Variants in MEGF9 observed in about 807,000 individuals in gnomAD.
The protein encoded by MEGF9 is multiple epidermal growth factor-like domains protein 9.
In MEGF9, 6 loss-of-function variants were observed where a neutral mutation model predicts 46.8. The observed-to-expected ratio is 0.13, with a 90% CI of 0.07 to 0.25. The LOEUF (loss-of-function observed/expected upper bound fraction) is 0.25. MEGF9 is among the 10% of genes least tolerant of loss of function. MEGF9 has a pLI of 1.00. For missense variants in MEGF9, 683 were observed against 792.4 expected (o/e 0.86, Z 1.66); for synonymous variants, 302 against 330.7 (o/e 0.91, Z 0.94).
Position 120,605,751 on chromosome 9 carries a change from T to TCAAC in MEGF9, c.1358-111_1358-110insGTTG. 2.6e-6 allele frequency: 2 copies of TCAAC among 779,536 alleles called. No homozygotes were observed. The highest frequency in any genetic ancestry group is 4.1e-6 in the Non-Finnish European group (2 of 490,464). The allele number at this position is 779,536 out of a possible 1,614,324, so 48.3% of individuals were successfully genotyped here. On this transcript the variant is annotated intron_variant, in intron 5 of 5. Coordinates refer to ENST00000373930, the MANE Select transcript of MEGF9 (RefSeq NM_001080497.3). The surrounding 1 kb of genome is among the most constrained non-coding windows in gnomAD (Gnocchi z 4.0). ...ATGTTGATGTAGGATGTTAACATGA[T>TCAAC]ATTCTGCTTTAAGGTAATGCAAGTT...
chr9:120,705,652 T>G (rs1245780948), intron 1 of MEGF9, among the ~76,000 whole-genome samples: 1 of 151,908 alleles, frequency 6.6e-6, no homozygotes, highest in Non-Finnish European at 1.5e-5. Context: ...ATTTATCACA[T>G]GTACTCACAT....
At chr9:120,634,904 C>T (rs573300989) in intron 2 of MEGF9, among the ~76,000 whole-genome samples, 3 of 152,094 alleles carry the variant, frequency 2.0e-5, no homozygotes, top group African/African-American at 7.2e-5. Context: ...TCTTTTCTAA[C>T]AGTGAATGTT....
chr9:120,652,590 G>GCACACACACACA (rs141794570), intron 2 of MEGF9, among the ~76,000 whole-genome samples: 1 of 134,156 alleles, frequency 7.5e-6, no homozygotes, highest in African/African-American at 2.7e-5. Flanking sequence ...GTGGACACAG[G>GCACACACACACA]CACACACACA....
chr9:120,605,169 A>G lies in MEGF9; in HGVS notation c.*21T>C. ...TCTTAGCAAGCACTGTGGTTTAACAATTCAGAACAGTTCTAGCTCCTTAGG... is the reference window on the plus strand; with the variant it reads ...TCTTAGCAAGCACTGTGGTTTAACAGTTCAGAACAGTTCTAGCTCCTTAGG... On this transcript the variant is annotated 3_prime_UTR_variant, in exon 6 of 6. Coordinates refer to ENST00000373930, the MANE Select transcript of MEGF9 (RefSeq NM_001080497.3). This position sits in a 1 kb window ranked among gnomAD's most constrained non-coding sequence, Gnocchi z 4.0. The G allele has an allele frequency of 2.5e-6, 4 of 1,594,864 alleles. No homozygotes were observed. The highest frequency in any genetic ancestry group is 3.4e-6 in the Non-Finnish European group (4 of 1,170,276).
At chr9:120,615,420 G>A (rs533814063) in intron 3 of MEGF9, among the ~76,000 whole-genome samples, 1 of 151,198 alleles carries the variant, frequency 6.6e-6, no homozygotes, top group Non-Finnish European at 1.5e-5. Flanking sequence ...ACATGTTTGT[G>A]ACTACCACAA....
At chr9:120,609,270 A>G (rs762796044) in intron 4 of MEGF9, among the ~76,000 whole-genome samples, 9 of 149,948 alleles carry the variant, frequency 6.0e-5, no homozygotes, top group Non-Finnish European at 7.4e-5. Context: ...GGTTTTGTAC[A>G]TACTACTTTC....
intron 1 of MEGF9, among the ~76,000 whole-genome samples, chr9:120,680,488 C>T (rs1291720619): frequency 1.3e-5 from 2 of 152,184 alleles, no homozygotes; most frequent in Non-Finnish European, 2.9e-5. Flanking sequence ...TGAAGTCTCT[C>T]TCCCTGTGCT....
chr9:120,654,252 T>C (rs190202175), intron 2 of MEGF9, among the ~76,000 whole-genome samples: 3 of 152,190 alleles, frequency 2.0e-5, no homozygotes, highest in African/African-American at 7.2e-5. Context: ...TATAAAACCA[T>C]GTGTTACCTC....
At chr9:120,681,142 C>T (rs2043797185) in intron 1 of MEGF9, among the ~76,000 whole-genome samples, 1 of 152,038 alleles carries the variant, frequency 6.6e-6, no homozygotes, top group South Asian at 2.1e-4. Flanking sequence ...TGTGCTGGGT[C>T]GCCTCTGAAG....
At chr9:120,616,399 G>A (rs1043455215) in intron 3 of MEGF9, among the ~76,000 whole-genome samples, 2 of 152,064 alleles carry the variant, frequency 1.3e-5, no homozygotes, top group African/African-American at 2.4e-5. Flanking sequence ...ATGGTATGGG[G>A]CTGGGTGCGG....
intron 2 of MEGF9, among the ~76,000 whole-genome samples, chr9:120,641,348 A>C (rs972797434): frequency 3.6e-4 from 55 of 152,368 alleles, no homozygotes; most frequent in South Asian, 4.1e-4. Context: ...AGAAAGAAAA[A>C]GTCCTAGCCC....
At chr9:120,692,057 C>T (rs1464779342) in intron 1 of MEGF9, among the ~76,000 whole-genome samples, 1 of 152,106 alleles carries the variant, frequency 6.6e-6, no homozygotes, top group Non-Finnish European at 1.5e-5. Flanking sequence ...AAGGTAAGGA[C>T]TGAAAGTGAA....
At chr9:120,680,843 C>A (rs1463864848) in intron 1 of MEGF9, among the ~76,000 whole-genome samples, 1 of 152,094 alleles carries the variant, frequency 6.6e-6, no homozygotes, top group Non-Finnish European at 1.5e-5. Flanking sequence ...AGGCCACTGT[C>A]GATGTTCATT....
At chr9:120,681,050 A>T (rs144444110) in intron 1 of MEGF9, among the ~76,000 whole-genome samples, 1 of 152,118 alleles carries the variant, frequency 6.6e-6, no homozygotes. Flanking sequence ...GCTGGTACTT[A>T]AGGTGCCAAA....
intron 1 of MEGF9, among the ~76,000 whole-genome samples, chr9:120,704,960 A>G (rs1336379455): frequency 6.6e-6 from 1 of 152,090 alleles, no homozygotes; most frequent in African/African-American, 2.4e-5. Context: ...AGGAAAATAA[A>G]TTTGCTACTT....
intron 1 of MEGF9, among the ~76,000 whole-genome samples, chr9:120,712,484 C>T (rs2043958340): frequency 6.6e-6 from 1 of 152,166 alleles, no homozygotes; most frequent in African/African-American, 2.4e-5. Context: ...AGTAATATGT[C>T]AATCTCTCTA....
intron 2 of MEGF9, among the ~76,000 whole-genome samples, chr9:120,641,145 T>G (rs948267374): frequency 9.9e-5 from 15 of 152,224 alleles, no homozygotes; most frequent in Non-Finnish European, 2.1e-4. Context: ...TCTTTGCTAT[T>G]GTGAATAGCA....
At chr9:120,684,510 A>G (rs1415548836) in intron 1 of MEGF9, among the ~76,000 whole-genome samples, 4 of 152,208 alleles carry the variant, frequency 2.6e-5, no homozygotes, top group Admixed American at 1.3e-4. Context: ...ACTTGTTGAC[A>G]AATTCTTCCC....
intron 3 of MEGF9, among the ~76,000 whole-genome samples, chr9:120,617,036 G>C (rs554248079): frequency 6.6e-6 from 1 of 151,066 alleles, no homozygotes; most frequent in African/African-American, 2.5e-5. Context: ...GTTTAACATT[G>C]TTCATTATGC....
Sources: allele counts gnomAD v4.1 joint callset (sites outside exome capture counted in the v4.1 genomes callset), GRCh38; gene constraint gnomAD v4.1.1; non-coding constraint Gnocchi (gnomAD v3.1); transcripts MANE v1.5; gene names NCBI Gene and HGNC (gene_info 2026-07-23, HGNC 2026-07-21).